XKR9: variants seen among roughly 807,000 people sequenced by gnomAD.
XKR9 encodes the protein XK-related protein 9.
A neutral mutation model predicts 32.0 loss-of-function variants in XKR9; 32 were observed. The observed-to-expected ratio is 1.00, with a 90% CI of 0.76 to 1.34. XKR9 has a LOEUF of 1.34. XKR9 is among the 40% of genes most tolerant of loss of function. The pLI is 0.00. For missense variants in XKR9, 546 were observed against 429.7 expected (o/e 1.27, Z -2.39); for synonymous variants, 168 against 143.4 (o/e 1.17, Z -1.22).
At chr8:70,798,478 A>G in the XKR9 span, among the ~76,000 whole-genome samples, 2 of 152,014 alleles carry the variant, frequency 1.3e-5, no homozygotes, top group Non-Finnish European at 2.9e-5. Context: ...CAGTTTGCAA[A>G]TATTTTCTCC....
chr8:71,043,655 G>A, the XKR9 span, among the ~76,000 whole-genome samples: 1,150 of 152,262 alleles, frequency 7.6e-3, 18 homozygotes, highest in African/African-American at 0.025. Flanking sequence ...TGGCTGGGTT[G>A]TTTATATGTG....
chr8:70,879,363 C>T, the XKR9 span, among the ~76,000 whole-genome samples: 64 of 151,886 alleles, frequency 4.2e-4, no homozygotes, highest in African/African-American at 1.5e-3. Context: ...AACAATGAAT[C>T]CAGGAGCTGG....
chr8:70,889,513 G>A, the XKR9 span, among the ~76,000 whole-genome samples: 1 of 151,778 alleles, frequency 6.6e-6, no homozygotes, highest in African/African-American at 2.4e-5. Flanking sequence ...CCCAGGTCCT[G>A]AGCATAATAT....
intron 2 of XKR9, among the ~76,000 whole-genome samples, chr8:70,782,370 A>G (rs1807628638): frequency 6.6e-6 from 1 of 152,170 alleles, no homozygotes; most frequent in South Asian, 2.1e-4. Flanking sequence ...GAGCTAGTTA[A>G]CATATCCATC....
At chr8:70,952,214 T>G in the XKR9 span, among the ~76,000 whole-genome samples, 1 of 149,672 alleles carries the variant, frequency 6.7e-6, no homozygotes, top group African/African-American at 2.5e-5. Flanking sequence ...ATGAGAGAAG[T>G]TACTCTACTC....
chr8:70,884,015 A>T, the XKR9 span, among the ~76,000 whole-genome samples: 1 of 152,166 alleles, frequency 6.6e-6, no homozygotes, highest in Non-Finnish European at 1.5e-5. Flanking sequence ...AATGAATGAA[A>T]GTTCCTGTTG....
chr8:70,831,619 A>G, the XKR9 span, among the ~76,000 whole-genome samples: 3 of 152,084 alleles, frequency 2.0e-5, no homozygotes, highest in Non-Finnish European at 1.5e-5. Flanking sequence ...TTGCACTATC[A>G]GTCACAATTC....
At chr8:71,016,837 CTTT>C in the XKR9 span, among the ~76,000 whole-genome samples, 1 of 149,650 alleles carries the variant, frequency 6.7e-6, no homozygotes, top group African/African-American at 2.5e-5. Context: ...GTCATATGCT[CTTT>C]TTTTTTTTCT....
At chr8:71,016,692 T>C in the XKR9 span, among the ~76,000 whole-genome samples, 1 of 152,208 alleles carries the variant, frequency 6.6e-6, no homozygotes, top group Non-Finnish European at 1.5e-5. Context: ...GTCACATATT[T>C]CAATTAGTCA....
At chr8:70,804,663 A>G in the XKR9 span, among the ~76,000 whole-genome samples, 1 of 152,218 alleles carries the variant, frequency 6.6e-6, no homozygotes, top group East Asian at 1.9e-4. Flanking sequence ...TCTCTAAAAA[A>G]TGGTTTTATA....
intron 3 of XKR9, among the ~76,000 whole-genome samples, chr8:70,691,785 T>C (rs1043233511): frequency 2.0e-5 from 3 of 152,218 alleles, no homozygotes; most frequent in Non-Finnish European, 4.4e-5. Flanking sequence ...TCTGTTTTTG[T>C]ACTGGTACCA....
the XKR9 span, among the ~76,000 whole-genome samples, chr8:71,026,346 A>G: frequency 6.6e-6 from 1 of 152,148 alleles, no homozygotes; most frequent in African/African-American, 2.4e-5. Context: ...CTGTTTTTCC[A>G]TTCTATTTCT....
the XKR9 span, among the ~76,000 whole-genome samples, chr8:70,841,906 G>T: frequency 2.0e-5 from 3 of 152,118 alleles, no homozygotes; most frequent in Non-Finnish European, 4.4e-5. Context: ...TAAGTATTTT[G>T]TGTGGAAATA....
the XKR9 span, among the ~76,000 whole-genome samples, chr8:71,002,988 T>C: frequency 1.3e-5 from 2 of 152,218 alleles, no homozygotes; most frequent in African/African-American, 2.4e-5. Flanking sequence ...GACATTCACA[T>C]TCACATCTGT....
At chr8:70,906,695 T>G in the XKR9 span, among the ~76,000 whole-genome samples, 5 of 152,222 alleles carry the variant, frequency 3.3e-5, no homozygotes, top group Non-Finnish European at 1.5e-5. Flanking sequence ...TTTCCATCCT[T>G]TCTGCATTCG....
At chr8:70,732,708 G>A (rs1806713200) in intron 4 of XKR9, among the ~76,000 whole-genome samples, 1 of 152,118 alleles carries the variant, frequency 6.6e-6, no homozygotes. Flanking sequence ...GACTAATGAG[G>A]TACAGTGGTG....
At chr8:70,725,573 C>G (rs755228800) in intron 4 of XKR9, among the ~76,000 whole-genome samples, 9 of 152,056 alleles carry the variant, frequency 5.9e-5, no homozygotes, top group Non-Finnish European at 1.2e-4. Context: ...CTCTGTAGAA[C>G]TTTTTGACTT....
At chr8:70,827,590 A>G in the XKR9 span, among the ~76,000 whole-genome samples, 7 of 152,206 alleles carry the variant, frequency 4.6e-5, no homozygotes. Context: ...GGCCTGTAGC[A>G]TATTTTTGTA....
chr8:70,733,820 G>T lies in XKR9; in HGVS notation c.518G>T (p.Cys173Phe). Residue 173 changes from cysteine to phenylalanine, a missense_variant, in exon 5 of 5, where the codon TGT becomes TTT. Physicochemically the swap from Cys to Phe is radical, Grantham distance 205. Transcript: ENST00000408926. ...GATGCGGCCATCATGGTCTCTTGCT[G>T]TGCTATTTCTTGGTCAACTGTTGAT... The part of the protein sequence containing the change: ...SQYAAIMVSC[C>F]AISWSTVDYQ... 6.3e-7 allele frequency: 1 copy of T among 1,586,004 alleles called. No homozygotes were observed. The highest frequency in any genetic ancestry group is 8.5e-7 in the Non-Finnish European group (1 of 1,170,902).
Sources: gnomAD v4.1 joint callset for allele counts (sites outside exome capture counted in the v4.1 genomes callset) on GRCh38, gnomAD v4.1.1 for gene constraint, MANE v1.5 for transcripts, NCBI Gene and HGNC (gene_info 2026-07-23, HGNC 2026-07-21) for gene names.